PDGFA: variants seen among roughly 807,000 people sequenced by gnomAD.
PDGFA encodes the protein platelet derived growth factor subunit A.
PDGFA carries 9 observed loss-of-function variants against 25.6 expected under a neutral mutation model. That is an observed-to-expected ratio of 0.35 (90% confidence interval 0.21 to 0.61). The LOEUF (loss-of-function observed/expected upper bound fraction) is 0.61. PDGFA is among the 20% of genes least tolerant of loss of function. The probability of loss-of-function intolerance (pLI) is 0.75; values close to 1 mark genes in which losing one functional copy is unlikely to be tolerated. For synonymous variants in PDGFA, 133 were observed against 111.8 expected (o/e 1.19, Z -1.20); for missense variants, 242 against 272.8 (o/e 0.89, Z 0.79).
In PDGFA at chr7:508,559, CAAAAAAAAAAAA is replaced by C. The variant is rs766165770; in HGVS notation, c.453+2238_453+2249del. 4.5e-4 allele frequency among the ~76,000 whole-genome samples: 16 copies of C among 35,664 alleles called. 1 individual carries two copies. Among genetic ancestry groups the C allele is most frequent in the Non-Finnish European group, 5.9e-4 (12 of 20,284 alleles). The allele number at this position is 35,664 out of a possible 152,430, so 23.4% of individuals were successfully genotyped here. On this transcript the variant is annotated intron_variant, in intron 4 of 5. Coordinates refer to ENST00000402802, the Ensembl canonical transcript of PDGFA. Reference sequence around the variant, plus strand: ...TGGGCAACAGAGCAAGAAGCTGTCCCAAAAAAAAAAAAAAAAAAAAAAAAAAAAATTCTCAGC... The same window carrying C: ...TGGGCAACAGAGCAAGAAGCTGTCCCAAAAAAAAAAAAAAAAATTCTCAGC...
In PDGFA at chr7:500,675, C is replaced by T. The variant is rs1782289544; in HGVS notation, c.580+441G>A. 1.4e-6 allele frequency: 2 copies of T among 1,453,088 alleles called. No homozygotes were observed. Among genetic ancestry groups the T allele is most frequent in the South Asian group, 2.9e-5 (2 of 69,588 alleles). 90.0% of individuals were successfully genotyped at this position (1,453,088 alleles called of 1,614,324 possible). A position where few individuals can be genotyped will look rare whatever the true frequency, so the allele number is the denominator to read the frequency against. On this transcript the variant is annotated intron_variant, in intron 5 of 5. Transcript: ENST00000402802. This position sits in a 1 kb window ranked among gnomAD's most constrained non-coding sequence, Gnocchi z 5.0. ...CCCAGGGCCCAGCCATAGCAGGGCACAGAAGCCATTCTGCTCCTGGGTGGA... is the reference window on the plus strand; with the variant it reads ...CCCAGGGCCCAGCCATAGCAGGGCATAGAAGCCATTCTGCTCCTGGGTGGA...
rs897999396 is a variant in PDGFA at position 504,801 on chromosome 7, G to A, written c.454-3559C>T. ...CAGGGCAGATACCAGGGCCTGGCTC[G>A]GCAGAGACCGCAGGCCCGTCTGGCC... On this transcript the variant is annotated intron_variant, in intron 4 of 5. Coordinates refer to ENST00000402802, the Ensembl canonical transcript of PDGFA. Among the ~76,000 whole-genome samples the A allele has an allele frequency of 1.4e-4, 21 of 152,320 alleles. No homozygotes were observed. The East Asian group carries it at 2.9e-3, about 21-fold the overall frequency.
chr7:511,839 C>G (rs547201779), intron 3 of PDGFA, among the ~76,000 whole-genome samples: 1 of 151,916 alleles, frequency 6.6e-6, no homozygotes, highest in Non-Finnish European at 1.5e-5. Context: ...CAAATGGACG[C>G]GGGGGTGGAG....
intron 4 of PDGFA, among the ~76,000 whole-genome samples, chr7:501,916 T>C (rs530548461): frequency 6.6e-6 from 1 of 152,254 alleles, no homozygotes; most frequent in African/African-American, 2.4e-5. Context: ...AATGATCACG[T>C]TGTTTTTAAA....
At chr7:508,590 T>TAAAAAAAAC (rs1275774675) in intron 4 of PDGFA, among the ~76,000 whole-genome samples, 9 of 130,968 alleles carry the variant, frequency 6.9e-5, no homozygotes, top group African/African-American at 1.4e-4. Flanking sequence ...AAAAAAAAAT[T>TAAAAAAAAC]CTCAGCTGAG....
chr7:509,124 A>C (rs562133671), intron 4 of PDGFA, among the ~76,000 whole-genome samples: 61 of 152,190 alleles, frequency 4.0e-4, no homozygotes, highest in South Asian at 1.0e-3. Flanking sequence ...ACGCAAGAAG[A>C]CCTTCAGCAA....
intron 4 of PDGFA, 50 bp downstream of exon 4, chr7:510,759 G>C: frequency 1.8e-6 from 1 of 541,176 alleles, no homozygotes. Context: ...GAGGGGAGGG[G>C]AGAGGAGAGG....
intron 5 of PDGFA, among the ~76,000 whole-genome samples, chr7:499,754 T>C (rs1476007316): frequency 2.8e-5 from 2 of 71,438 alleles, no homozygotes; most frequent in African/African-American, 1.3e-4. Flanking sequence ...TCTTCCAGCC[T>C]GGAGCACAGA....
intron 1 of PDGFA, among the ~76,000 whole-genome samples, chr7:518,049 C>G (rs1298790220): frequency 1.3e-5 from 2 of 152,060 alleles, no homozygotes; most frequent in Non-Finnish European, 2.9e-5. Context: ...CACTCACACA[C>G]TCGCCCCACC....
At position 509,598 on chromosome 7, in the gene PDGFA, T is replaced by C. The variant is rs112718498; in HGVS notation, c.453+1211A>G. ...GAGCCACCTCGCCTGGCCCGATTAG[T>C]TTCTAGGGTAGAGGCTTCATGAATG... On this transcript the variant is annotated intron_variant, in intron 4 of 5. Transcript: ENST00000402802. Among the ~76,000 whole-genome samples the C allele has an allele frequency of 8.2e-3, 1,246 of 152,218 alleles. 20 individuals carry two copies. Among genetic ancestry groups the C allele is most frequent in the African/African-American group, 0.028 (1,181 of 41,540 alleles).
chr7:516,931 G>A (rs960953040), intron 2 of PDGFA, among the ~76,000 whole-genome samples: 1 of 151,894 alleles, frequency 6.6e-6, no homozygotes, highest in African/African-American at 2.4e-5. Flanking sequence ...ATTACAGAGG[G>A]GGCCGGGCCC....
rs758615978 is a variant in PDGFA, at chr7:500,950, C to T, written c.580+166G>A. Reference sequence around the variant, plus strand: ...GGACACCTGCAGGTGTGGGATCCGTCTCCCCCGCAGGCATCTGGCCCGGGA... The same window carrying T: ...GGACACCTGCAGGTGTGGGATCCGTTTCCCCCGCAGGCATCTGGCCCGGGA... On this transcript the variant is annotated intron_variant, in intron 5 of 5. Transcript: ENST00000402802. The surrounding 1 kb of genome is among the most constrained non-coding windows in gnomAD (Gnocchi z 5.0). The T allele has an allele frequency of 6.3e-7, 1 of 1,594,804 alleles. No homozygotes were observed. Among genetic ancestry groups the T allele is most frequent in the Non-Finnish European group, 8.5e-7 (1 of 1,177,634 alleles).
intron 2 of PDGFA, among the ~76,000 whole-genome samples, chr7:516,432 C>T (rs1583160163): frequency 6.6e-6 from 1 of 152,190 alleles, no homozygotes; most frequent in East Asian, 1.9e-4. Flanking sequence ...AGAGAAGAAT[C>T]TTCATGTCAC....
chr7:512,632 C>A, intron 2 of PDGFA, 177 bp from the exon 3 acceptor site: 1 of 1,527,964 alleles, frequency 6.5e-7, no homozygotes. Flanking sequence ...CGATTCCCAC[C>A]AGGGCTTTCC....
At chr7:504,448 G>A (rs980718392) in intron 4 of PDGFA, among the ~76,000 whole-genome samples, 48 of 152,248 alleles carry the variant, frequency 3.2e-4, no homozygotes, top group African/African-American at 1.1e-3. Context: ...ATCCCAGTGC[G>A]CAAAACCAGG....
chr7:512,643 A>T (rs772437047), intron 2 of PDGFA, 188 bp from the exon 3 acceptor site: 1 of 1,524,982 alleles, frequency 6.6e-7, no homozygotes, highest in South Asian at 1.2e-5. Flanking sequence ...AGGGCTTTCC[A>T]GAGATGCAGG....
At chr7:508,571 A>AG (rs1782667765) in intron 4 of PDGFA, among the ~76,000 whole-genome samples, 2 of 147,564 alleles carry the variant, frequency 1.4e-5, no homozygotes, top group Non-Finnish European at 3.0e-5. Flanking sequence ...AAAAAAAAAA[A>AG]AAAAAAAAAA....
Position 500,646 on chromosome 7 carries a change from T to C in PDGFA, c.580+470A>G. ...ACCGAGAAACTTCTGAGTCCCCTCATGCTCCCAGGGCCCAGCCATAGCAGG... is the reference window on the plus strand; with the variant it reads ...ACCGAGAAACTTCTGAGTCCCCTCACGCTCCCAGGGCCCAGCCATAGCAGG... On this transcript the variant is annotated intron_variant, in intron 5 of 5. Transcript: ENST00000402802. This position sits in a 1 kb window ranked among gnomAD's most constrained non-coding sequence, Gnocchi z 5.0. The C allele has an allele frequency of 6.7e-7, 1 of 1,481,878 alleles. No individual in the cohort carries two copies. The highest frequency in any genetic ancestry group is 1.3e-5 in the South Asian group (1 of 74,370). The allele number at this position is 1,481,878 out of a possible 1,614,324, so 91.8% of individuals were successfully genotyped here. A position where few individuals can be genotyped will look rare whatever the true frequency, so the allele number is the denominator to read the frequency against.
Position 504,961 on chromosome 7 carries a change from G to A in PDGFA, c.454-3719C>T, listed in dbSNP as rs552614400. On this transcript the variant is annotated intron_variant, in intron 4 of 5. Transcript: ENST00000402802. ...GCACCGTGCGAAAGGCACATGGCAC[G>A]GCCGCTCGTCTGGGAACCCACTGCC... Among the ~76,000 whole-genome samples, 7 of 152,326 alleles carry A rather than the reference G, an allele frequency of 4.6e-5. No homozygotes were observed. In the South Asian group the frequency reaches 1.2e-3, roughly 27 times the overall value.
Sources: allele counts gnomAD v4.1 joint callset (sites outside exome capture counted in the v4.1 genomes callset), GRCh38; gene constraint gnomAD v4.1.1; non-coding constraint Gnocchi (gnomAD v3.1); transcripts MANE v1.5; gene names NCBI Gene and HGNC (gene_info 2026-07-23, HGNC 2026-07-21).